RAD51B: variants seen among roughly 807,000 people sequenced by gnomAD.
RAD51B encodes the protein DNA repair protein RAD51 homolog 2.
In RAD51B, 38 loss-of-function variants were observed where a neutral mutation model predicts 42.2. The ratio of observed to expected loss-of-function variants is 0.90; its 90% CI spans 0.70 to 1.18. The LOEUF is 1.18. Among genes scored for constraint, RAD51B ranks in the 50% most tolerant of loss-of-function variants. The pLI, the probability that RAD51B is intolerant of heterozygous loss-of-function variation, is 0.00. For missense variants in RAD51B, 373 were observed against 400.7 expected, an observed-to-expected ratio of 0.93 and a Z score of 0.59; for synonymous variants, 154 against 145.2, an observed-to-expected ratio of 1.06 and a Z score of -0.43.
chr14:67,835,038 T>A, intron 3 of RAD51B, 42 bp from the exon 4 acceptor site: 2 of 1,425,086 alleles, frequency 1.4e-6, no homozygotes, highest in Non-Finnish European at 2.0e-6. Flanking sequence ...TTTTTGAATA[T>A]ATATAGAGGT....
At chr14:68,497,100 C>T in intron 10 of RAD51B, 1 of 1,372,456 alleles carries the variant, frequency 7.3e-7, no homozygotes, top group Non-Finnish European at 9.7e-7. Context: ...TATCTTGACA[C>T]TCATGTTCTT....
intron 9 of RAD51B, among the ~76,000 whole-genome samples, chr14:68,437,259 A>T (rs1458683893): frequency 3.3e-5 from 5 of 152,188 alleles, no homozygotes; most frequent in African/African-American, 1.2e-4. Context: ...GCATCTATTG[A>T]GATGATCATA....
chr14:68,597,410 C>A (rs544885060), downstream of RAD51B, among the ~76,000 whole-genome samples: 1 of 152,158 alleles, frequency 6.6e-6, no homozygotes, highest in East Asian at 1.9e-4. Context: ...GAGACTCCCA[C>A]CCTACTCCTG....
intron 11 of RAD51B, among the ~76,000 whole-genome samples, chr14:68,651,437 T>A (rs1892696397): frequency 6.6e-6 from 1 of 152,308 alleles, no homozygotes; most frequent in Admixed American, 6.5e-5. Context: ...AGTGCTGGGA[T>A]TACAGGTGTG....
chr14:68,234,625 A>G (rs1420311606), intron 7 of RAD51B, among the ~76,000 whole-genome samples: 1 of 152,198 alleles, frequency 6.6e-6, no homozygotes, highest in African/African-American at 2.4e-5. Flanking sequence ...GTATCTAAAC[A>G]TAGAAATTAA....
rs368592764 is a variant in RAD51B at position 67,890,612 on chromosome 14, T to G, written c.756+3408T>G. ...ATCTCCCAGTGCTATCCCTCCCCCC[T>G]CCCCCCACCCCACAACAGTCCCCAG... On this transcript the variant is annotated intron_variant, in intron 7 of 10. Coordinates refer to ENST00000471583, the MANE Select transcript of RAD51B (RefSeq NM_133510.4). Among the ~76,000 whole-genome samples, 38 of 68,756 alleles carry G rather than the reference T, an allele frequency of 5.5e-4. No homozygotes were observed. The South Asian group carries it at 0.022, about 39-fold the overall frequency. 45.1% of individuals were successfully genotyped at this position (68,756 alleles called of 152,430 possible).
chr14:68,412,222 A>C (rs921881452), intron 9 of RAD51B, among the ~76,000 whole-genome samples: 3 of 152,226 alleles, frequency 2.0e-5, no homozygotes, highest in African/African-American at 7.2e-5. Context: ...ATGTTTCATA[A>C]TAAAAAAATT....
chr14:67,911,458 A>G (rs1447115599), intron 7 of RAD51B, among the ~76,000 whole-genome samples: 1 of 152,164 alleles, frequency 6.6e-6, no homozygotes, highest in African/African-American at 2.4e-5. Flanking sequence ...GCATCCTGAT[A>G]TGACATTCTG....
chr14:67,823,725 C>CA (rs2040714127), intron 2 of RAD51B, 98 bp downstream of exon 2: 105 of 888,564 alleles, frequency 1.2e-4, no homozygotes, highest in Non-Finnish European at 1.3e-4. Flanking sequence ...TGTAGGCTTA[C>CA]AAAAAAAAGA....
At chr14:68,658,266 G>A (rs951710421) in intron 11 of RAD51B, among the ~76,000 whole-genome samples, 1 of 152,224 alleles carries the variant, frequency 6.6e-6, no homozygotes, top group Non-Finnish European at 1.5e-5. Context: ...GGAAACCTTG[G>A]TGCTACCAGT....
At chr14:68,075,559 C>T (rs1248385005) in intron 7 of RAD51B, among the ~76,000 whole-genome samples, 1 of 150,944 alleles carries the variant, frequency 6.6e-6, no homozygotes, top group Non-Finnish European at 1.5e-5. Context: ...GTGCTGGAGG[C>T]ACAAGTCAAG....
In RAD51B at chr14:68,289,672, C is replaced by G. The variant is rs567486877; in HGVS notation, c.757-2212C>G. Among the ~76,000 whole-genome samples, 15 of 151,450 alleles carry G rather than the reference C, an allele frequency of 9.9e-5. No individual in the cohort carries two copies. In the South Asian group the frequency reaches 3.1e-3, roughly 32 times the overall value. ...GAGGTTGCAGTGAGCTGAGATCACGCTATTGCACTCCAGACTGGGCAACAG... is the reference window on the plus strand; with the variant it reads ...GAGGTTGCAGTGAGCTGAGATCACGGTATTGCACTCCAGACTGGGCAACAG... On this transcript the variant is annotated intron_variant, in intron 7 of 10. Coordinates refer to ENST00000471583, the MANE Select transcript of RAD51B (RefSeq NM_133510.4).
intron 7 of RAD51B, among the ~76,000 whole-genome samples, chr14:68,280,174 A>G (rs1332472985): frequency 1.3e-5 from 2 of 152,126 alleles, no homozygotes; most frequent in East Asian, 3.9e-4. Context: ...AGTGTTTCCA[A>G]CTCTAACAAA....
chr14:68,470,147 G>C (rs1230905138), intron 10 of RAD51B, among the ~76,000 whole-genome samples: 1 of 152,166 alleles, frequency 6.6e-6, no homozygotes. Flanking sequence ...CTGTGTCCAG[G>C]AAAGAGAAAA....
chr14:67,828,602 T>A (rs1034473452), intron 3 of RAD51B, among the ~76,000 whole-genome samples: 5 of 152,148 alleles, frequency 3.3e-5, no homozygotes, highest in Non-Finnish European at 1.5e-5. Flanking sequence ...AAGGTTTTGT[T>A]TTTTTTCCTA....
At chr14:68,140,527 A>G (rs1595458897) in intron 7 of RAD51B, among the ~76,000 whole-genome samples, 1 of 152,246 alleles carries the variant, frequency 6.6e-6, no homozygotes, top group Admixed American at 6.5e-5. Flanking sequence ...TTAACAGGCC[A>G]GGGCTTGCCA....
intron 8 of RAD51B, among the ~76,000 whole-genome samples, chr14:68,392,595 A>G (rs1291844064): frequency 6.6e-6 from 1 of 152,202 alleles, no homozygotes; most frequent in East Asian, 1.9e-4. Flanking sequence ...CAGGCTTACA[A>G]GAGGAATGAG....
intron 7 of RAD51B, among the ~76,000 whole-genome samples, chr14:68,022,763 C>T (rs2075888108): frequency 6.6e-6 from 1 of 152,036 alleles, no homozygotes; most frequent in South Asian, 2.1e-4. Context: ...AGGTAATCAG[C>T]ATAATACCTA....
intron 11 of RAD51B, chr14:68,650,958 C>T: frequency 1.6e-6 from 1 of 623,518 alleles, no homozygotes; most frequent in South Asian, 1.8e-5. Context: ...ACCTCAAAAG[C>T]ATAGCAATAT....
Sources: allele counts gnomAD v4.1 joint callset (sites outside exome capture counted in the v4.1 genomes callset), GRCh38; gene constraint gnomAD v4.1.1; transcripts MANE v1.5; gene names NCBI Gene and HGNC (gene_info 2026-07-23, HGNC 2026-07-21).